Variants in PRICKLE1 observed in about 807,000 individuals in gnomAD.
PRICKLE1 encodes prickle-like protein 1.
PRICKLE1 carries 14 observed loss-of-function variants against 70.2 expected under a neutral mutation model. That is an observed-to-expected ratio of 0.20 (90% CI 0.13 to 0.31). The LOEUF (loss-of-function observed/expected upper bound fraction) is 0.31, where lower values mean the gene tolerates loss of function less well. Ranked by LOEUF, PRICKLE1 falls within the 10% of genes least tolerant of loss-of-function variation. PRICKLE1 has a pLI of 1.00. For synonymous variants in PRICKLE1, 357 were observed against 379.9 expected, an observed-to-expected ratio of 0.94 and a Z score of 0.70; for missense variants, 821 against 1,026.2, an observed-to-expected ratio of 0.80 and a Z score of 2.73.
intron 1 of PRICKLE1, among the ~76,000 whole-genome samples, chr12:42,570,377 C>T (rs1450651629): frequency 6.6e-6 from 1 of 152,182 alleles, no homozygotes; most frequent in Admixed American, 6.5e-5. Flanking sequence ...CAACAGCTCA[C>T]AGAATTATGA....
chr12:42,481,263 A>C (rs1334863184), intron 1 of PRICKLE1, among the ~76,000 whole-genome samples: 1 of 152,204 alleles, frequency 6.6e-6, no homozygotes, highest in African/African-American at 2.4e-5. Flanking sequence ...ACCAAATCAA[A>C]ATCATGCAAA....
rs1211795399 is a variant in PRICKLE1, at chr12:42,589,742, A to T, written c.-326T>A. 3.4e-5 allele frequency: 5 copies of T among 148,162 alleles called. No individual in the cohort carries two copies. In the East Asian group the frequency reaches 5.9e-4, roughly 17 times the overall value. The allele number at this position is 148,162 out of a possible 1,614,324, so 9.2% of individuals were successfully genotyped here. On this transcript the variant is annotated 5_prime_UTR_variant, in exon 1 of 8. Transcript: ENST00000345127. The surrounding 1 kb of genome is among the most constrained non-coding windows in gnomAD (Gnocchi z 5.0). The stretch of plus-strand genomic sequence containing the variant: ...GCGCTGGCAGCTGGGCTGCAGGCGG[A>T]GTGCGCTCGGGCTCCGGAGCCGCGC...
At chr12:42,506,650 A>G (rs1372442417) in intron 1 of PRICKLE1, among the ~76,000 whole-genome samples, 1 of 131,974 alleles carries the variant, frequency 7.6e-6, no homozygotes, top group Non-Finnish European at 1.5e-5. Flanking sequence ...ATCTTGGCTC[A>G]CTGCAATCTC....
intron 1 of PRICKLE1, among the ~76,000 whole-genome samples, chr12:42,558,324 T>C (rs1940447586): frequency 6.6e-6 from 1 of 152,378 alleles, no homozygotes; most frequent in South Asian, 2.1e-4. Flanking sequence ...TTGTCCATTA[T>C]TACCATGAAG....
intron 2 of PRICKLE1, 134 bp from the exon 3 acceptor site, chr12:42,470,493 C>T (rs1267358738): frequency 8.6e-6 from 6 of 694,578 alleles, no homozygotes; most frequent in South Asian, 1.5e-5. Context: ...GCTGAGCCAA[C>T]TCAGCAGAAC....
At chr12:42,547,452 C>A (rs996246636) in intron 1 of PRICKLE1, among the ~76,000 whole-genome samples, 1 of 152,148 alleles carries the variant, frequency 6.6e-6, no homozygotes, top group Non-Finnish European at 1.5e-5. Flanking sequence ...ATGGATAAAC[C>A]GCAGGACTTG....
At chr12:42,564,642 G>A (rs1295954939) in intron 1 of PRICKLE1, among the ~76,000 whole-genome samples, 4 of 152,106 alleles carry the variant, frequency 2.6e-5, no homozygotes, top group African/African-American at 9.7e-5. Flanking sequence ...CTTTCTTGAG[G>A]TCATATTTTA....
At chr12:42,461,853 C>A (rs1403925476) in intron 7 of PRICKLE1, among the ~76,000 whole-genome samples, 1 of 152,168 alleles carries the variant, frequency 6.6e-6, no homozygotes, top group Non-Finnish European at 1.5e-5. Context: ...GGCTGGAGTG[C>A]AGTGGCACCA....
intron 1 of PRICKLE1, among the ~76,000 whole-genome samples, chr12:42,579,757 A>G (rs1403224266): frequency 6.6e-6 from 1 of 152,244 alleles, no homozygotes; most frequent in Admixed American, 6.5e-5. Flanking sequence ...TTTTAATTAA[A>G]AACCAAATAA....
chr12:42,491,106 C>T (rs1252725579), intron 1 of PRICKLE1, among the ~76,000 whole-genome samples: 1 of 150,260 alleles, frequency 6.7e-6, no homozygotes, highest in African/African-American at 2.4e-5. Context: ...AACTCCTGAC[C>T]TCAGGGGATC....
intron 5 of PRICKLE1, among the ~76,000 whole-genome samples, chr12:42,467,048 G>GA (rs1195453779): frequency 6.6e-6 from 1 of 151,654 alleles, no homozygotes; most frequent in Non-Finnish European, 1.5e-5. Context: ...CAGCTAATTT[G>GA]AAAAACATTT....
chr12:42,560,421 A>C (rs944400250), intron 1 of PRICKLE1, among the ~76,000 whole-genome samples: 15 of 152,120 alleles, frequency 9.9e-5, no homozygotes, highest in African/African-American at 3.4e-4. Flanking sequence ...GGTGTGAGCC[A>C]CCACACCCAG....
At chr12:42,500,423 A>C (rs940296757) in intron 1 of PRICKLE1, among the ~76,000 whole-genome samples, 4 of 152,236 alleles carry the variant, frequency 2.6e-5, no homozygotes, top group African/African-American at 7.2e-5. Flanking sequence ...AGTCAAAGAC[A>C]GCACTCTTGG....
intron 1 of PRICKLE1, among the ~76,000 whole-genome samples, chr12:42,552,228 G>A (rs1182204799): frequency 6.6e-6 from 1 of 151,856 alleles, no homozygotes; most frequent in Non-Finnish European, 1.5e-5. Flanking sequence ...CACCACGCCC[G>A]GCTAATTTTT....
chr12:42,479,143 C>G (rs911104267), intron 1 of PRICKLE1, among the ~76,000 whole-genome samples: 3 of 152,224 alleles, frequency 2.0e-5, no homozygotes, highest in African/African-American at 7.2e-5. Flanking sequence ...GCTCCTATTG[C>G]AACGTACCAA....
intron 1 of PRICKLE1, among the ~76,000 whole-genome samples, chr12:42,572,170 A>G (rs1940726541): frequency 6.6e-6 from 1 of 152,178 alleles, no homozygotes; most frequent in Admixed American, 6.5e-5. Flanking sequence ...GCGGTGGCTT[A>G]TGCTTGTAAT....
chr12:42,522,106 G>A (rs1433060005), intron 1 of PRICKLE1, among the ~76,000 whole-genome samples: 2 of 151,978 alleles, frequency 1.3e-5, no homozygotes, highest in African/African-American at 2.4e-5. Flanking sequence ...CTCCCGAGTA[G>A]CTGGGATTAT....
intron 1 of PRICKLE1, among the ~76,000 whole-genome samples, chr12:42,551,506 T>C (rs1940317137): frequency 1.3e-5 from 2 of 152,136 alleles, no homozygotes; most frequent in African/African-American, 4.8e-5. Flanking sequence ...CAGCTTTTGT[T>C]ACACAGCAGC....
intron 1 of PRICKLE1, among the ~76,000 whole-genome samples, chr12:42,514,376 T>C (rs1593148718): frequency 6.6e-6 from 1 of 152,168 alleles, no homozygotes; most frequent in Non-Finnish European, 1.5e-5. Context: ...TCTTATCTCA[T>C]GGTTCTTCAG....
Sources: allele counts gnomAD v4.1 joint callset (sites outside exome capture counted in the v4.1 genomes callset), GRCh38; gene constraint gnomAD v4.1.1; non-coding constraint Gnocchi (gnomAD v3.1); transcripts MANE v1.5; gene names NCBI Gene and HGNC (gene_info 2026-07-23, HGNC 2026-07-21).